Variants in HTT observed in about 807,000 individuals in gnomAD.
The protein encoded by HTT is huntingtin.
HTT carries 104 observed loss-of-function variants against 362.3 expected under a neutral mutation model. That is an observed-to-expected ratio of 0.29 (90% CI 0.24 to 0.34). HTT has a LOEUF of 0.34. Among genes scored for constraint, HTT ranks in the 10% least tolerant of loss-of-function variants. HTT has a pLI of 1.00. For synonymous variants in HTT, 1,577 were observed against 1,548.7 expected (o/e 1.02, Z -0.43); for missense variants, 3,301 against 3,928.6 (o/e 0.84, Z 4.27).
In HTT at chr4:3,189,023, G is replaced by A. The variant is rs1359890475; in HGVS notation, c.5298G>A (p.Glu1766=). The A allele has an allele frequency of 1.2e-6, 2 of 1,613,722 alleles. No individual in the cohort carries two copies. The highest frequency in any genetic ancestry group is 1.7e-6 in the Non-Finnish European group (2 of 1,179,720). Residue 1766 remains glutamate, a synonymous_variant, in exon 40 of 67, where the codon GAG becomes GAA. Coordinates refer to ENST00000355072, the MANE Select transcript of HTT (RefSeq NM_001388492.1). Reference sequence around the variant, plus strand: ...AACAGCTGAAGGTGGAAATGAGTGAGCAGCAACATACTTTCTATTGCCAGG... The same window carrying A: ...AACAGCTGAAGGTGGAAATGAGTGAACAGCAACATACTTTCTATTGCCAGG... The part of the protein sequence containing the change: ...VTKQLKVEMS[E]QQHTFYCQEL...
At position 3,125,597 on chromosome 4, in the gene HTT, C is replaced by T. The variant is rs771466498; in HGVS notation, c.1370C>T (p.Ser457Leu). The T allele has an allele frequency of 6.8e-6, 11 of 1,613,610 alleles. No homozygotes were observed. The highest frequency in any genetic ancestry group is 6.7e-5 in the East Asian group (3 of 44,898). Residue 457 changes from serine to leucine, a missense_variant, in exon 11 of 67, where the codon TCG (serine) becomes TTG (leucine). By Grantham distance (145) the Ser-to-Leu change is moderately radical. Coordinates refer to ENST00000355072, the MANE Select transcript of HTT (RefSeq NM_001388492.1). Reference sequence around the variant, plus strand: ...GAAGCCTTGGAGGATGACTCTGAATCGAGATCGGATGTCAGCAGCTCTGCC... The same window carrying T: ...GAAGCCTTGGAGGATGACTCTGAATTGAGATCGGATGTCAGCAGCTCTGCC... ...EEEALEDDSE[S>L]RSDVSSSALT... is the part of the protein sequence containing the mutation.
At chr4:3,121,018 T>C (rs1406530755) in intron 8 of HTT, among the ~76,000 whole-genome samples, 1 of 152,196 alleles carries the variant, frequency 6.6e-6, no homozygotes, top group African/African-American at 2.4e-5. Flanking sequence ...CATTTATTTT[T>C]AAGGAATTAA....
At chr4:3,161,952 T>C (rs1264347155) in intron 29 of HTT, among the ~76,000 whole-genome samples, 1 of 152,244 alleles carries the variant, frequency 6.6e-6, no homozygotes, top group Non-Finnish European at 1.5e-5. Context: ...CAATTTTGGC[T>C]TTTGTTGCCA....
Position 3,127,246 on chromosome 4 carries a change from G to A in HTT, c.1403-18G>A, listed in dbSNP as rs1235863632. The A allele has an allele frequency of 2.5e-6, 4 of 1,580,990 alleles. No homozygotes were observed. The East Asian group carries it at 6.7e-5, about 27-fold the overall frequency. ...TTTTCTCTCGCCATTTGACAAATGA[G>A]TGTTTCTCTGTCTTCAGCCTCAGTG... On this transcript the variant is annotated intron_variant, in intron 11 of 66. Coordinates refer to ENST00000355072, the MANE Select transcript of HTT (RefSeq NM_001388492.1).
chr4:3,155,801 G>A (rs1717114593), intron 27 of HTT, among the ~76,000 whole-genome samples: 1 of 150,714 alleles, frequency 6.6e-6, no homozygotes, highest in Non-Finnish European at 1.5e-5. Flanking sequence ...GGGAGGCTGA[G>A]GCAGGAGAAT....
chr4:3,110,595 A>G (rs1714693998), intron 6 of HTT, among the ~76,000 whole-genome samples: 1 of 152,212 alleles, frequency 6.6e-6, no homozygotes, highest in African/African-American at 2.4e-5. Context: ...GAGGTTTTGC[A>G]TTCATAAAAA....
At chr4:3,178,182 T>C (rs1258886686) in intron 34 of HTT, 116 bp from the exon 35 acceptor site, 12 of 783,192 alleles carry the variant, frequency 1.5e-5, no homozygotes, top group East Asian at 1.0e-4. Flanking sequence ...CACGGACACC[T>C]GTTAGCTTGA....
At chr4:3,091,728 A>G (rs1713520391) in intron 2 of HTT, among the ~76,000 whole-genome samples, 1 of 152,256 alleles carries the variant, frequency 6.6e-6, no homozygotes, top group Admixed American at 6.5e-5. Context: ...TTAGGACACT[A>G]GTAATCAGTA....
intron 25 of HTT, among the ~76,000 whole-genome samples, chr4:3,147,513 C>G (rs1488185676): frequency 6.6e-6 from 1 of 152,028 alleles, no homozygotes. Flanking sequence ...AGAATTGGGG[C>G]CTGTGCTATT....
chr4:3,231,524 C>T (rs1345561489), intron 60 of HTT, among the ~76,000 whole-genome samples: 2 of 152,302 alleles, frequency 1.3e-5, no homozygotes, highest in South Asian at 2.1e-4. Flanking sequence ...GACCTGGAGC[C>T]TGACTCCCTC....
intron 51 of HTT, among the ~76,000 whole-genome samples, chr4:3,216,876 T>G (rs886766744): frequency 2.0e-5 from 3 of 151,758 alleles, no homozygotes; most frequent in Admixed American, 1.3e-4. Context: ...ATACAAAAAA[T>G]TAGCCGGGCG....
intron 11 of HTT, 51 bp downstream of exon 11, chr4:3,125,680 AC>A (rs1560558366): frequency 7.6e-7 from 1 of 1,319,582 alleles, no homozygotes; most frequent in Non-Finnish European, 1.1e-6. Flanking sequence ...TCTGCCTTCC[AC>A]CCCTTGCCCT....
rs1714965921 is a variant in HTT at position 3,115,363 on chromosome 4, A to T, written c.807A>T (p.Thr269=). 2 of 1,614,170 alleles carry T rather than the reference A, an allele frequency of 1.2e-6. No homozygotes were observed. Among genetic ancestry groups the T allele is most frequent in the Non-Finnish European group, 1.7e-6 (2 of 1,179,986 alleles). The change falls in exon 7 of 67, where the codon ACA becomes ACT. Residue 269 remains threonine, a synonymous_variant. Coordinates refer to ENST00000355072, the MANE Select transcript of HTT (RefSeq NM_001388492.1). ...LKSSSPTIRR[T]AAGSAVSICQ... is the part of the protein sequence containing the mutation. Reference sequence around the variant, plus strand: ...CAAGCTCCCCCACCATTCGGCGGACAGCGGCTGGATCAGCAGTGAGCATCT... The same window carrying T: ...CAAGCTCCCCCACCATTCGGCGGACTGCGGCTGGATCAGCAGTGAGCATCT...
At chr4:3,114,036 C>G (rs746472907) in intron 6 of HTT, among the ~76,000 whole-genome samples, 12 of 152,096 alleles carry the variant, frequency 7.9e-5, no homozygotes, top group Non-Finnish European at 1.5e-4. Context: ...AGAGATTTAC[C>G]CACATATTTA....
At chr4:3,109,349 C>T (rs1233582853) in intron 6 of HTT, among the ~76,000 whole-genome samples, 1 of 115,310 alleles carries the variant, frequency 8.7e-6, no homozygotes, top group Non-Finnish European at 1.8e-5. Context: ...GCCTCAGCCT[C>T]CTAGTAGCTG....
intron 21 of HTT, among the ~76,000 whole-genome samples, chr4:3,137,865 A>G (rs554602655): frequency 9.2e-5 from 14 of 152,214 alleles, no homozygotes; most frequent in Non-Finnish European, 1.9e-4. Context: ...TTATATGAAT[A>G]ATACCATATT....
intron 27 of HTT, among the ~76,000 whole-genome samples, chr4:3,155,617 C>T (rs145814653): frequency 0.014 from 2,072 of 150,530 alleles, 44 homozygotes; most frequent in African/African-American, 0.048. Context: ...CGTGGTGGCT[C>T]ACACCTGTAA....
In HTT at chr4:3,232,060, G is replaced by C. The variant is rs376120050; in HGVS notation, c.8266-1103G>C. Among the ~76,000 whole-genome samples, 154 of 152,270 alleles carry C rather than the reference G, an allele frequency of 1.0e-3. 1 individual carries two copies. The highest frequency in any genetic ancestry group is 3.5e-3 in the African/African-American group (144 of 41,562). On this transcript the variant is annotated intron_variant, in intron 60 of 66. Coordinates refer to ENST00000355072, the MANE Select transcript of HTT (RefSeq NM_001388492.1). ...GTATTTGCCCACCGTTGTGAAATCC[G>C]TGCCACCCGAGAGCAGGTCCTGATG...
chr4:3,135,445 TG>T (rs777934060), intron 19 of HTT, among the ~76,000 whole-genome samples: 1,463 of 145,784 alleles, frequency 0.01, 8 homozygotes, highest in African/African-American at 0.024. Flanking sequence ...ATTTAGGGTT[TG>T]TTTTTTTTTT....
Sources: allele counts gnomAD v4.1 joint callset (sites outside exome capture counted in the v4.1 genomes callset), GRCh38; gene constraint gnomAD v4.1.1; transcripts MANE v1.5; gene names NCBI Gene and HGNC (gene_info 2026-07-23, HGNC 2026-07-21).